Variants in PTPRD observed in about 807,000 individuals in gnomAD.
PTPRD encodes the protein receptor-type tyrosine-protein phosphatase delta.
A neutral mutation model predicts 214.5 loss-of-function variants in PTPRD; 34 were observed. That is an observed-to-expected ratio of 0.16 (90% CI 0.12 to 0.21). PTPRD has a LOEUF of 0.21. Among genes scored for constraint, PTPRD ranks in the 10% least tolerant of loss-of-function variants. PTPRD has a pLI of 1.00. For missense variants in PTPRD, 2,545 were observed against 2,398.7 expected (o/e 1.06, Z -1.27); for synonymous variants, 1,128 against 845.7 (o/e 1.33, Z -5.79).
At chr9:9,259,444 A>C (rs1285049011) in intron 9 of PTPRD, among the ~76,000 whole-genome samples, 1 of 151,886 alleles carries the variant, frequency 6.6e-6, no homozygotes, top group Admixed American at 6.6e-5. Context: ...TCCACCAATG[A>C]ATGTATACCT....
intron 8 of PTPRD, among the ~76,000 whole-genome samples, chr9:9,485,500 T>G (rs1432353554): frequency 9.9e-5 from 15 of 152,184 alleles, no homozygotes; most frequent in Non-Finnish European, 4.4e-5. Flanking sequence ...GAAGTTCCAG[T>G]TTTTAGTGTA....
chr9:9,169,377 T>G (rs191457049), intron 10 of PTPRD, among the ~76,000 whole-genome samples: 12 of 152,254 alleles, frequency 7.9e-5, no homozygotes, highest in Admixed American at 7.2e-4. Context: ...CAAAGACCTT[T>G]TGATAATGAA....
intron 5 of PTPRD, among the ~76,000 whole-genome samples, chr9:9,902,255 TAC>T (rs1434856464): frequency 1.6e-4 from 24 of 152,208 alleles, no homozygotes; most frequent in African/African-American, 5.1e-4. Flanking sequence ...ATTTTTAATT[TAC>T]AGTTATCTCA....
intron 6 of PTPRD, among the ~76,000 whole-genome samples, chr9:9,743,631 T>C (rs531583160): frequency 1.3e-5 from 2 of 151,876 alleles, no homozygotes; most frequent in African/African-American, 4.8e-5. Context: ...TCCAAAGGCA[T>C]GACCTTTAAC....
At chr9:8,436,112 T>C (rs2095337450) in intron 35 of PTPRD, among the ~76,000 whole-genome samples, 1 of 152,162 alleles carries the variant, frequency 6.6e-6, no homozygotes. Flanking sequence ...AGAAGACAAA[T>C]ACTGCATGAT....
intron 2 of PTPRD, among the ~76,000 whole-genome samples, chr9:10,347,667 C>A (rs1293144849): frequency 6.6e-6 from 1 of 152,014 alleles, no homozygotes; most frequent in Non-Finnish European, 1.5e-5. Context: ...ACCTCAGCCT[C>A]CCAAAGTGCT....
intron 27 of PTPRD, among the ~76,000 whole-genome samples, chr9:8,492,516 A>T (rs1388254643): frequency 6.6e-6 from 1 of 151,144 alleles, no homozygotes; most frequent in Non-Finnish European, 1.5e-5. Context: ...ATCTAGTCCT[A>T]TTCAGAAAGT....
At chr9:9,857,741 T>C (rs746699080) in intron 5 of PTPRD, among the ~76,000 whole-genome samples, 1 of 152,182 alleles carries the variant, frequency 6.6e-6, no homozygotes, top group Non-Finnish European at 1.5e-5. Flanking sequence ...TAAATGTCTG[T>C]TTCAGGGCAA....
At chr9:8,470,931 G>T in intron 31 of PTPRD, 64 bp downstream of exon 31, 1 of 905,060 alleles carries the variant, frequency 1.1e-6, no homozygotes, top group Non-Finnish European at 1.5e-6. Flanking sequence ...CTCCAAGGGA[G>T]GGGGGCGGAA....
chr9:8,581,919 A>AT (rs2154252709), intron 14 of PTPRD, among the ~76,000 whole-genome samples: 1 of 109,350 alleles, frequency 9.1e-6, no homozygotes, highest in African/African-American at 5.0e-5. Context: ...TCTCCAAAAA[A>AT]AAAAAAAAAA....
rs1301947958 is a variant in PTPRD at position 10,021,426 on chromosome 9, G to GTTTCTT, written c.-472+12286_-472+12291dup. Among the ~76,000 whole-genome samples, 25 of 16,348 alleles carry GTTTCTT rather than the reference G, an allele frequency of 1.5e-3. 11 individuals carry two copies. Among genetic ancestry groups the GTTTCTT allele is most frequent in the East Asian group, 4.4e-3 (2 of 452 alleles). The allele number at this position is 16,348 out of a possible 152,430, so 10.7% of individuals were successfully genotyped here. A position where few individuals can be genotyped will look rare whatever the true frequency, so the allele number is the denominator to read the frequency against. On this transcript the variant is annotated intron_variant, in intron 4 of 45. Coordinates refer to ENST00000381196, the MANE Select transcript of PTPRD (RefSeq NM_002839.4). ...TTAGGTGTATATCAATACAATATTA[G>GTTTCTT]TTTCTTTTTCTTTTTTCTTTGACGG...
intron 2 of PTPRD, among the ~76,000 whole-genome samples, chr9:10,449,543 T>G (rs2130761432): frequency 6.7e-6 from 1 of 150,316 alleles, no homozygotes; most frequent in East Asian, 2.0e-4. Context: ...CCACCCAGTC[T>G]GGGAAGTGAG....
At chr9:9,510,430 C>T (rs2096673133) in intron 8 of PTPRD, among the ~76,000 whole-genome samples, 2 of 151,220 alleles carry the variant, frequency 1.3e-5, no homozygotes, top group East Asian at 1.9e-4. Context: ...TTGTGATTTA[C>T]GAAACATAGA....
chr9:9,137,572 T>C (rs2099852890), intron 10 of PTPRD, among the ~76,000 whole-genome samples: 1 of 152,188 alleles, frequency 6.6e-6, no homozygotes, highest in African/African-American at 2.4e-5. Context: ...GGGTGCATAT[T>C]GAAACCATGG....
At chr9:9,422,519 C>T (rs1238887260) in intron 8 of PTPRD, among the ~76,000 whole-genome samples, 1 of 151,968 alleles carries the variant, frequency 6.6e-6, no homozygotes, top group Non-Finnish European at 1.5e-5. Flanking sequence ...GACAAAGATC[C>T]CGGAAGGACG....
chr9:8,343,942 G>C (rs1465694860), intron 39 of PTPRD, among the ~76,000 whole-genome samples: 1 of 152,034 alleles, frequency 6.6e-6, no homozygotes, highest in Non-Finnish European at 1.5e-5. Context: ...AATTATGTAA[G>C]GAGTACCCGA....
chr9:8,829,787 A>T (rs914562460), intron 11 of PTPRD, among the ~76,000 whole-genome samples: 2 of 152,204 alleles, frequency 1.3e-5, no homozygotes, highest in Non-Finnish European at 2.9e-5. Context: ...TCTACCACTA[A>T]TAACCATAAT....
At position 9,992,832 on chromosome 9, in the gene PTPRD, G is replaced by T. The variant is rs1276179941; in HGVS notation, c.-472+40886C>A. On this transcript the variant is annotated intron_variant, in intron 4 of 45. Coordinates refer to ENST00000381196, the MANE Select transcript of PTPRD (RefSeq NM_002839.4). ...GGGAGAGGGGGGAGGGATAGCATTAGGAGATAAACCCAATGTAAATGACGA... is the reference window on the plus strand; with the variant it reads ...GGGAGAGGGGGGAGGGATAGCATTATGAGATAAACCCAATGTAAATGACGA... Among the ~76,000 whole-genome samples, 7 of 152,156 alleles carry T rather than the reference G, an allele frequency of 4.6e-5. No individual in the cohort carries two copies. The East Asian group carries it at 9.7e-4, about 21-fold the overall frequency.
intron 11 of PTPRD, among the ~76,000 whole-genome samples, chr9:8,906,893 G>A (rs979941886): frequency 2.6e-5 from 4 of 152,024 alleles, no homozygotes; most frequent in Admixed American, 2.0e-4. Context: ...TCACACAAAG[G>A]CAGAGGAGAC....
Sources: gnomAD v4.1 joint callset for allele counts (sites outside exome capture counted in the v4.1 genomes callset) on GRCh38, gnomAD v4.1.1 for gene constraint, MANE v1.5 for transcripts, NCBI Gene and HGNC (gene_info 2026-07-23, HGNC 2026-07-21) for gene names.